The following LPCAT1 variants were observed in gnomAD, a reference collection of about 807,000 sequenced individuals.
LPCAT1 encodes the protein 1-acylglycerol-3-phosphate O-acyltransferase.
In LPCAT1, 23 loss-of-function variants were observed where a neutral mutation model predicts 60.9. The ratio of observed to expected loss-of-function variants is 0.38; its 90% CI spans 0.27 to 0.53. The LOEUF is 0.53. Among genes scored for constraint, LPCAT1 ranks in the 20% least tolerant of loss-of-function variants. The pLI is 0.82. For missense variants in LPCAT1, 622 were observed against 723.6 expected, an observed-to-expected ratio of 0.86 and a Z score of 1.61; for synonymous variants, 340 against 301.1, an observed-to-expected ratio of 1.13 and a Z score of -1.34.
intron 1 of LPCAT1, among the ~76,000 whole-genome samples, chr5:1,505,477 T>C (rs566027155): frequency 6.6e-6 from 1 of 152,312 alleles, no homozygotes; most frequent in Non-Finnish European, 1.5e-5. Context: ...TGGGAACAGC[T>C]CCGGGGCTGG....
intron 1 of LPCAT1, among the ~76,000 whole-genome samples, chr5:1,519,426 A>AC (rs1377298205): frequency 6.6e-6 from 1 of 152,218 alleles, no homozygotes; most frequent in Non-Finnish European, 1.5e-5. Context: ...CCGATTTTGA[A>AC]CCCCCCTTCC....
chr5:1,515,127 C>G (rs1736467538), intron 1 of LPCAT1, among the ~76,000 whole-genome samples: 1 of 150,842 alleles, frequency 6.6e-6, no homozygotes. Flanking sequence ...GCCTGCTGGC[C>G]CTTCCTACTC....
At chr5:1,503,476 C>T (rs1450829986) in intron 1 of LPCAT1, among the ~76,000 whole-genome samples, 1 of 152,232 alleles carries the variant, frequency 6.6e-6, no homozygotes, top group African/African-American at 2.4e-5. Context: ...AACATGATGC[C>T]TTACGGCCAC....
In LPCAT1 at chr5:1,477,087, G is replaced by T. The variant is rs1488332196; in HGVS notation, c.899+317C>A. On this transcript the variant is annotated intron_variant, in intron 9 of 13. Transcript: ENST00000283415. This position sits in a 1 kb window ranked among gnomAD's most constrained non-coding sequence, Gnocchi z 6.0. ...GTGGAGGCCGCCGCACAGATGTGAA[G>T]TTGGCCCAGGCCAGCGCCCCGCTGG... Among the ~76,000 whole-genome samples the T allele has an allele frequency of 2.0e-5, 3 of 152,238 alleles. No individual in the cohort carries two copies. The highest frequency in any genetic ancestry group is 3.9e-4 in the East Asian group (2 of 5,190).
At position 1,523,407 on chromosome 5, in the gene LPCAT1, G is replaced by T. The variant is rs1736734812; in HGVS notation, c.135+303C>A. Among the ~76,000 whole-genome samples, 1 of 151,782 alleles carries T rather than the reference G, an allele frequency of 6.6e-6. No individual in the cohort carries two copies. Among genetic ancestry groups the T allele is most frequent in the African/African-American group, 2.4e-5 (1 of 41,394 alleles). ...AAGGGTTGTGGGCCCGGTTCAGGGT[G>T]CAGGGGTCTGGGGGGAGGAGCAGAA... On this transcript the variant is annotated intron_variant, in intron 1 of 13. Transcript: ENST00000283415. This position sits in a 1 kb window ranked among gnomAD's most constrained non-coding sequence, Gnocchi z 7.1.
At chr5:1,468,682 A>G (rs569156639) in intron 12 of LPCAT1, among the ~76,000 whole-genome samples, 1 of 152,370 alleles carries the variant, frequency 6.6e-6, no homozygotes, top group East Asian at 1.9e-4. Flanking sequence ...CACAGTAATG[A>G]TAACGAAAAA....
At chr5:1,478,613 C>A (rs1303780040) in intron 8 of LPCAT1, among the ~76,000 whole-genome samples, 1 of 152,258 alleles carries the variant, frequency 6.6e-6, no homozygotes, top group Non-Finnish European at 1.5e-5. Context: ...GCCCTCAGGC[C>A]CGGGCCAAGG....
intron 3 of LPCAT1, among the ~76,000 whole-genome samples, chr5:1,490,936 T>TC (rs1008370760): frequency 1.3e-5 from 2 of 152,190 alleles, no homozygotes; most frequent in African/African-American, 4.8e-5. Context: ...CTGCTGCAGG[T>TC]CAGCCCCACC....
At chr5:1,479,366 C>G (rs1221198321) in intron 8 of LPCAT1, 2 of 526,888 alleles carry the variant, frequency 3.8e-6, no homozygotes, top group Non-Finnish European at 6.8e-6. Flanking sequence ...CAGAGCAAGA[C>G]AAAATGCTGT....
At chr5:1,505,761 C>T (rs1736166323) in intron 1 of LPCAT1, among the ~76,000 whole-genome samples, 1 of 152,218 alleles carries the variant, frequency 6.6e-6, no homozygotes, top group South Asian at 2.1e-4. Flanking sequence ...GGTTAGACTG[C>T]ATGACCACCT....
chr5:1,486,289 C>T (rs1396766535), intron 5 of LPCAT1, among the ~76,000 whole-genome samples: 2 of 152,170 alleles, frequency 1.3e-5, no homozygotes, highest in African/African-American at 2.4e-5. Context: ...AGGCGGCACC[C>T]CTGGCCTGGG....
rs889505407 is a variant in LPCAT1 at position 1,462,275 on chromosome 5, G to T, written c.*1376C>A. Reference sequence around the variant, plus strand: ...CTTTAGGAAGCAAACTCAAGTCTGTGATGATTATTGTGCTTGAAGGATGGG... The same window carrying T: ...CTTTAGGAAGCAAACTCAAGTCTGTTATGATTATTGTGCTTGAAGGATGGG... On this transcript the variant is annotated 3_prime_UTR_variant, in exon 14 of 14. Coordinates refer to ENST00000283415, the MANE Select transcript of LPCAT1 (RefSeq NM_024830.5). 6.6e-6 allele frequency: 1 copy of T among 152,540 alleles called. No individual in the cohort carries two copies. The highest frequency in any genetic ancestry group is 1.5e-5 in the Non-Finnish European group (1 of 68,030). The allele number at this position is 152,540 out of a possible 1,614,324, so 9.4% of individuals were successfully genotyped here. A position where few individuals can be genotyped will look rare whatever the true frequency, so the allele number is the denominator to read the frequency against.
intron 1 of LPCAT1, among the ~76,000 whole-genome samples, chr5:1,518,741 T>C (rs547312765): frequency 7.2e-5 from 11 of 152,178 alleles, no homozygotes; most frequent in Non-Finnish European, 1.3e-4. Flanking sequence ...TGTGTTCCAG[T>C]GGGAGGAAGG....
chr5:1,515,419 C>T (rs973275032), intron 1 of LPCAT1, among the ~76,000 whole-genome samples: 4 of 151,214 alleles, frequency 2.6e-5, no homozygotes, highest in African/African-American at 9.7e-5. Flanking sequence ...GTACACCCTG[C>T]GCCACACTAC....
intron 12 of LPCAT1, among the ~76,000 whole-genome samples, chr5:1,469,288 CA>C (rs1206537956): frequency 1.3e-5 from 2 of 152,190 alleles, no homozygotes; most frequent in Non-Finnish European, 2.9e-5. Flanking sequence ...GGACCCGGTG[CA>C]CACTGTCCTC....
rs185309933 is a variant in LPCAT1, at chr5:1,473,779, G to A, written c.1179+178C>T. Among the ~76,000 whole-genome samples, 25 of 152,312 alleles carry A rather than the reference G, an allele frequency of 1.6e-4. No individual in the cohort carries two copies. The East Asian group carries it at 4.2e-3, about 26-fold the overall frequency. On this transcript the variant is annotated intron_variant, in intron 11 of 13. Coordinates refer to ENST00000283415, the MANE Select transcript of LPCAT1 (RefSeq NM_024830.5). The stretch of plus-strand genomic sequence containing the variant: ...TAATTTAAACGTCAAATGTGTACGC[G>A]TATTTAAAAGCATGGAAGGAAATAC...
At chr5:1,511,581 C>T (rs540471984) in intron 1 of LPCAT1, among the ~76,000 whole-genome samples, 8 of 152,240 alleles carry the variant, frequency 5.3e-5, no homozygotes, top group East Asian at 3.9e-4. Flanking sequence ...GCTCACCCTA[C>T]GTGGGGATGT....
rs1264688275 is a variant in LPCAT1 at position 1,523,191 on chromosome 5, A to T, written c.135+519T>A. Among the ~76,000 whole-genome samples the T allele has an allele frequency of 6.6e-6, 1 of 151,918 alleles. No homozygotes were observed. Among genetic ancestry groups the T allele is most frequent in the Admixed American group, 6.5e-5 (1 of 15,268 alleles). ...TCCCGGGCACCACCAGGCCCCGCAC[A>T]CGAGGCTCACCCAGAGCCGCGGTGC... is the stretch of plus-strand genomic sequence containing the variant. On this transcript the variant is annotated intron_variant, in intron 1 of 13. Coordinates refer to ENST00000283415, the MANE Select transcript of LPCAT1 (RefSeq NM_024830.5). The surrounding 1 kb of genome is among the most constrained non-coding windows in gnomAD (Gnocchi z 7.1).
chr5:1,519,014 A>G (rs1025346610), intron 1 of LPCAT1, among the ~76,000 whole-genome samples: 1 of 152,254 alleles, frequency 6.6e-6, no homozygotes, highest in African/African-American at 2.4e-5. Context: ...CCCATGGCTC[A>G]CGCCAGCCTG....
Sources: gnomAD v4.1 joint callset for allele counts (sites outside exome capture counted in the v4.1 genomes callset) on GRCh38, gnomAD v4.1.1 for gene constraint, Gnocchi (gnomAD v3.1) non-coding constraint, MANE v1.5 for transcripts, NCBI Gene and HGNC (gene_info 2026-07-23, HGNC 2026-07-21) for gene names.